Variants in PCDH7 observed in about 807,000 individuals in gnomAD.
The protein encoded by PCDH7 is protocadherin-7.
A neutral mutation model predicts 58.9 loss-of-function variants in PCDH7; 17 were observed. The observed-to-expected ratio is 0.29, with a 90% CI of 0.20 to 0.43. PCDH7 has a LOEUF of 0.43. Ranked by LOEUF, PCDH7 falls within the 20% of genes least tolerant of loss-of-function variation. The probability of loss-of-function intolerance (pLI) is 1.00; values close to 1 mark genes in which losing one functional copy is unlikely to be tolerated. For synonymous variants in PCDH7, 664 were observed against 616.4 expected (o/e 1.08, Z -1.14); for missense variants, 1,274 against 1,441.0 (o/e 0.88, Z 1.88).
At chr4:30,795,539 A>C (rs1053621335) in intron 1 of PCDH7, among the ~76,000 whole-genome samples, 1 of 152,214 alleles carries the variant, frequency 6.6e-6, no homozygotes, top group African/African-American at 2.4e-5. Context: ...ATTGCCTGGC[A>C]TACAGTAAAT....
intron 3 of PCDH7, among the ~76,000 whole-genome samples, chr4:31,033,685 T>C (rs961962415): frequency 1.3e-5 from 2 of 152,174 alleles, no homozygotes; most frequent in Admixed American, 6.5e-5. Context: ...CCTTTTAAAA[T>C]CATTTCTCCA....
At chr4:30,815,202 C>T (rs1727518927) in intron 1 of PCDH7, among the ~76,000 whole-genome samples, 1 of 151,736 alleles carries the variant, frequency 6.6e-6, no homozygotes, top group Non-Finnish European at 1.5e-5. Flanking sequence ...ACATGCACAT[C>T]TACACCCAGT....
intron 1 of PCDH7, among the ~76,000 whole-genome samples, chr4:30,766,458 A>AAAG (rs1720761703): frequency 6.6e-6 from 1 of 152,176 alleles, no homozygotes; most frequent in African/African-American, 2.4e-5. Context: ...AAGTGATTTG[A>AAAG]TCTAACAAGA....
chr4:30,730,857 G>T, exon 2 of PCDH7: 1 of 1,517,038 alleles, frequency 6.6e-7, no homozygotes, highest in Non-Finnish European at 8.8e-7. Flanking sequence ...AAACCTGCTG[G>T]AGCCTGCCCT....
intron 3 of PCDH7, among the ~76,000 whole-genome samples, chr4:31,058,939 C>A (rs1040075902): frequency 2.6e-5 from 4 of 151,948 alleles, no homozygotes; most frequent in African/African-American, 9.7e-5. Context: ...TAACTGACTG[C>A]CGATCTAAAA....
chr4:31,127,656 A>G (rs889262620), intron 3 of PCDH7, among the ~76,000 whole-genome samples: 4 of 152,140 alleles, frequency 2.6e-5, no homozygotes, highest in African/African-American at 4.8e-5. Flanking sequence ...AAGAAACTAT[A>G]TTTACATTAG....
chr4:30,723,432 G>A lies in PCDH7; in HGVS notation c.2010G>A (p.Arg670=), dbSNP rs142520317. ...CCGTGATGGATGCTGACAAGGGGCG[G>A]AATGCAGAGATGAGCCTGTACATAG... The change falls in exon 1 of 2, where the codon CGG becomes CGA. Residue 670 remains arginine (R), a synonymous_variant. Coordinates refer to ENST00000361762, the Ensembl canonical transcript of PCDH7. The surrounding 1 kb of genome is among the most constrained non-coding windows in gnomAD (Gnocchi z 4.6). 1.9e-5 allele frequency: 30 copies of A among 1,614,080 alleles called. No homozygotes were observed. The African/African-American group carries it at 4.0e-4, about 22-fold the overall frequency.
At chr4:30,840,511 TA>T (rs1361076738) in intron 1 of PCDH7, among the ~76,000 whole-genome samples, 1 of 152,096 alleles carries the variant, frequency 6.6e-6, no homozygotes, top group Admixed American at 6.6e-5. Context: ...CCTTTAAAAA[TA>T]AAACAATAAA....
At chr4:30,835,411 C>T (rs1429956940) in intron 1 of PCDH7, among the ~76,000 whole-genome samples, 3 of 151,968 alleles carry the variant, frequency 2.0e-5, no homozygotes, top group African/African-American at 7.3e-5. Flanking sequence ...GTGGCATGGT[C>T]TTTCTGAGAA....
Position 31,101,870 on chromosome 4 carries a change from A to G in PCDH7, c.*8-40603A>G, listed in dbSNP as rs56726350. On this transcript the variant is annotated intron_variant, in intron 3 of 3. Coordinates refer to the PCDH7 transcript ENST00000509759. ...TTGCATCTGTACACTCTCGTGGTAA[A>G]ATATGGATGAACCAAGCATAATTCC... Among the ~76,000 whole-genome samples the G allele has an allele frequency of 6.0e-3, 907 of 152,304 alleles. 11 individuals are homozygous for G. Among genetic ancestry groups the G allele is most frequent in the African/African-American group, 0.021 (857 of 41,562 alleles).
chr4:30,774,217 C>G (rs563619379), intron 1 of PCDH7, among the ~76,000 whole-genome samples: 1 of 152,222 alleles, frequency 6.6e-6, no homozygotes, highest in East Asian at 1.9e-4. Context: ...CAAGAGGATA[C>G]TTGAGAACTG....
At chr4:30,837,520 T>A (rs1730636721) in intron 1 of PCDH7, among the ~76,000 whole-genome samples, 1 of 145,678 alleles carries the variant, frequency 6.9e-6, no homozygotes, top group Non-Finnish European at 1.5e-5. Context: ...ATGTTACAAA[T>A]AAGGAAGGAA....
rs370409520 is a variant in PCDH7 at position 31,132,895 on chromosome 4, A to C, written c.*8-9578A>C. On this transcript the variant is annotated intron_variant, in intron 3 of 3. Coordinates refer to the PCDH7 transcript ENST00000509759. ...TTTTTCAGGTTGGTGATCAGCAATC[A>C]GTTAAATCCATTCCCAAGAATCAAT... Among the ~76,000 whole-genome samples the C allele has an allele frequency of 3.3e-5, 5 of 152,354 alleles. No individual in the cohort carries two copies. In the South Asian group the frequency reaches 1.0e-3, roughly 32 times the overall value.
chr4:30,848,195 C>T (rs972656467), intron 1 of PCDH7, among the ~76,000 whole-genome samples: 6 of 152,056 alleles, frequency 3.9e-5, no homozygotes, highest in African/African-American at 9.7e-5. Flanking sequence ...AAGATAGCAT[C>T]GGCAATCTGA....
intron 1 of PCDH7, among the ~76,000 whole-genome samples, chr4:30,907,406 C>A (rs1457919415): frequency 1.2e-4 from 18 of 152,036 alleles, no homozygotes; most frequent in Admixed American, 1.2e-3. Context: ...AACAAATTTA[C>A]AAGAAAAAAC....
At chr4:30,895,326 T>C (rs1264327187) in intron 1 of PCDH7, among the ~76,000 whole-genome samples, 2 of 152,044 alleles carry the variant, frequency 1.3e-5, no homozygotes, top group East Asian at 1.9e-4. Context: ...CTCAGCTAAA[T>C]AGGGAAATAG....
At chr4:31,048,803 T>C (rs566671162) in intron 3 of PCDH7, among the ~76,000 whole-genome samples, 1 of 152,118 alleles carries the variant, frequency 6.6e-6, no homozygotes, top group Non-Finnish European at 1.5e-5. Flanking sequence ...CTTAACCCAC[T>C]GCAGTGTAAG....
At chr4:30,886,087 A>G (rs1157538013) in intron 1 of PCDH7, among the ~76,000 whole-genome samples, 6 of 151,698 alleles carry the variant, frequency 4.0e-5, no homozygotes. Flanking sequence ...CTAAAACACC[A>G]AAAGCAATGT....
At chr4:30,949,079 C>T (rs965023761) in intron 2 of PCDH7, among the ~76,000 whole-genome samples, 1 of 152,114 alleles carries the variant, frequency 6.6e-6, no homozygotes, top group African/African-American at 2.4e-5. Context: ...AATGTCCTAG[C>T]CCTTGTGTAT....
Sources: allele counts gnomAD v4.1 joint callset (sites outside exome capture counted in the v4.1 genomes callset), GRCh38; gene constraint gnomAD v4.1.1; non-coding constraint Gnocchi (gnomAD v3.1); transcripts MANE v1.5; gene names NCBI Gene and HGNC (gene_info 2026-07-23, HGNC 2026-07-21).